The following FRMD4A variants were observed in gnomAD, a reference collection of about 807,000 sequenced individuals.
FRMD4A encodes FERM domain containing 4A, also known as FERM domain-containing protein 4A.
Under a neutral mutation model 129.1 loss-of-function variants are expected in FRMD4A, and 29 were observed. The ratio of observed to expected loss-of-function variants is 0.22; its 90% confidence interval spans 0.17 to 0.31. FRMD4A has a LOEUF of 0.31. Ranked by LOEUF, FRMD4A falls within the 10% of genes least tolerant of loss-of-function variation. The pLI is 1.00. For synonymous variants in FRMD4A, 634 were observed against 571.6 expected (o/e 1.11, Z -1.56); for missense variants, 1,272 against 1,375.8 (o/e 0.92, Z 1.19).
chr10:13,784,666 C>T (rs17154010), intron 5 of FRMD4A, among the ~76,000 whole-genome samples: 4,807 of 152,226 alleles, frequency 0.032, 183 homozygotes, highest in African/African-American at 0.091. Context: ...GTAGCGTTAT[C>T]CTTCAGGTAT....
At chr10:13,963,591 G>A (rs547392590) in intron 2 of FRMD4A, among the ~76,000 whole-genome samples, 1 of 152,258 alleles carries the variant, frequency 6.6e-6, no homozygotes, top group East Asian at 1.9e-4. Context: ...TTAGGAGAAT[G>A]GATCATTGAT....
At chr10:14,330,448 T>C (rs962644085) in intron 1 of FRMD4A, 149 bp downstream of exon 1, 1 of 402,200 alleles carries the variant, frequency 2.5e-6, no homozygotes, top group South Asian at 8.4e-5. Flanking sequence ...GTTTAACTGC[T>C]ACCTTCGCCC....
chr10:14,302,146 C>T (rs1173007733), intron 2 of FRMD4A, among the ~76,000 whole-genome samples: 2 of 152,194 alleles, frequency 1.3e-5, no homozygotes, highest in Non-Finnish European at 1.5e-5. Context: ...CTCATTTTCT[C>T]CAACCCTGTC....
intron 2 of FRMD4A, among the ~76,000 whole-genome samples, chr10:14,088,273 C>G (rs1242124984): frequency 1.3e-5 from 2 of 151,616 alleles, no homozygotes; most frequent in African/African-American, 4.9e-5. Context: ...ATGACGAAAC[C>G]CTGTCTCTAT....
intron 15 of FRMD4A, among the ~76,000 whole-genome samples, chr10:13,691,321 T>G (rs995132375): frequency 6.6e-6 from 1 of 152,220 alleles, no homozygotes; most frequent in Admixed American, 6.5e-5. Context: ...GATGTCAATT[T>G]CATCTCAGGA....
intron 2 of FRMD4A, among the ~76,000 whole-genome samples, chr10:14,233,326 T>C (rs1262146330): frequency 6.6e-6 from 1 of 152,146 alleles, no homozygotes; most frequent in African/African-American, 2.4e-5. Context: ...TCCCAACACT[T>C]TGGGAGGCCG....
intron 8 of FRMD4A, among the ~76,000 whole-genome samples, chr10:13,757,150 C>T (rs907390138): frequency 6.6e-6 from 1 of 152,184 alleles, no homozygotes; most frequent in African/African-American, 2.4e-5. Context: ...TAAACTGCAT[C>T]GGTTCTTGTC....
intron 12 of FRMD4A, among the ~76,000 whole-genome samples, chr10:13,712,937 G>A (rs138171694): frequency 4.0e-4 from 61 of 152,372 alleles, no homozygotes; most frequent in Admixed American, 2.9e-3. Context: ...TGGGGCAGAG[G>A]AAGGGGCTTT....
intron 5 of FRMD4A, among the ~76,000 whole-genome samples, chr10:13,790,101 T>G (rs2092962334): frequency 6.6e-6 from 1 of 151,742 alleles, no homozygotes; most frequent in Non-Finnish European, 1.5e-5. Flanking sequence ...AGGGAGCTGT[T>G]TAAGATGCAG....
chr10:13,885,402 G>A (rs191370625), intron 2 of FRMD4A, among the ~76,000 whole-genome samples: 250 of 152,262 alleles, frequency 1.6e-3, no homozygotes, highest in African/African-American at 5.6e-3. Context: ...GCAAGATGGC[G>A]CCATCCTCCC....
At chr10:13,877,042 C>T (rs7069517) in intron 2 of FRMD4A, among the ~76,000 whole-genome samples, 1,981 of 152,136 alleles carry the variant, frequency 0.013, 48 homozygotes, top group African/African-American at 0.045. Flanking sequence ...TGGGTGAAGC[C>T]ACATAGATAA....
intron 15 of FRMD4A, chr10:13,685,122 T>C: frequency 3.0e-6 from 3 of 984,286 alleles, no homozygotes; most frequent in Non-Finnish European, 3.6e-6. Context: ...CTGGGGACTG[T>C]TATAGAGAAT....
At chr10:13,768,155 GTGT>G (rs1234086109) in intron 6 of FRMD4A, among the ~76,000 whole-genome samples, 4 of 151,998 alleles carry the variant, frequency 2.6e-5, no homozygotes, top group Non-Finnish European at 4.4e-5. Context: ...CTCCCACGCC[GTGT>G]TGTTTTATCC....
At chr10:13,740,799 A>G (rs1289539486) in intron 9 of FRMD4A, among the ~76,000 whole-genome samples, 1 of 146,684 alleles carries the variant, frequency 6.8e-6, no homozygotes, top group East Asian at 2.0e-4. Flanking sequence ...CCCACAAAGG[A>G]CTTGCATTCT....
intron 3 of FRMD4A, among the ~76,000 whole-genome samples, chr10:13,813,471 T>G (rs2130882956): frequency 6.6e-6 from 1 of 152,314 alleles, no homozygotes; most frequent in African/African-American, 2.4e-5. Flanking sequence ...AATATACATA[T>G]GCTCCTCGAA....
At chr10:13,829,374 A>G (rs1053824312) in intron 3 of FRMD4A, among the ~76,000 whole-genome samples, 1 of 151,932 alleles carries the variant, frequency 6.6e-6, no homozygotes, top group Non-Finnish European at 1.5e-5. Flanking sequence ...AAAATAAAAA[A>G]ATTAGCTGGG....
intron 6 of FRMD4A, among the ~76,000 whole-genome samples, chr10:13,775,902 A>C (rs200783523): frequency 2.7e-4 from 7 of 26,040 alleles, no homozygotes; most frequent in Non-Finnish European, 5.0e-4. Context: ...GTAACTAAAT[A>C]AGTGAAAGCA....
chr10:13,841,043 A>G (rs11258668), intron 3 of FRMD4A, among the ~76,000 whole-genome samples: 43,963 of 151,666 alleles, frequency 0.29, 6,657 homozygotes, highest in Middle Eastern at 0.43. Flanking sequence ...AGGAGGTTGA[A>G]CCTGCAGTGA....
chr10:13,978,961 A>G (rs2095551466), intron 2 of FRMD4A, among the ~76,000 whole-genome samples: 1 of 152,146 alleles, frequency 6.6e-6, no homozygotes, highest in South Asian at 2.1e-4. Context: ...AAGTGATGTC[A>G]TCTATCAATT....
Sources: allele counts gnomAD v4.1 joint callset (sites outside exome capture counted in the v4.1 genomes callset), GRCh38; gene constraint gnomAD v4.1.1; transcripts MANE v1.5; gene names NCBI Gene and HGNC (gene_info 2026-07-23, HGNC 2026-07-21).